Variants in CCDC171 observed in about 807,000 individuals in gnomAD.
The protein encoded by CCDC171 is coiled-coil domain containing 171, also known as coiled-coil domain-containing protein 171.
A neutral mutation model predicts 168.2 loss-of-function variants in CCDC171; 177 were observed. That is an observed-to-expected ratio of 1.05 (90% confidence interval 0.93 to 1.19). The LOEUF (loss-of-function observed/expected upper bound fraction) is 1.19. Among genes scored for constraint, CCDC171 ranks in the 50% most tolerant of loss-of-function variants. The pLI, the probability that CCDC171 is intolerant of heterozygous loss-of-function variation, is 0.00. For synonymous variants in CCDC171, 687 were observed against 540.8 expected (o/e 1.27, Z -3.75); for missense variants, 1,991 against 1,539.0 (o/e 1.29, Z -4.91).
chr9:16,021,506 A>G (rs117800106), intron 4 of CCDC171, among the ~76,000 whole-genome samples: 1,591 of 152,312 alleles, frequency 0.01, 18 homozygotes, highest in Non-Finnish European at 0.016. Flanking sequence ...CAAGGTAACT[A>G]AAGGCAGGGA....
chr9:15,680,121 A>G lies in CCDC171; in HGVS notation c.1215+1225A>G, dbSNP rs374155408. ...TACTCACCGAAATTTGATGTGTATTATGTCTCCCAAGAGGATATGAATGCA... is the reference window on the plus strand; with the variant it reads ...TACTCACCGAAATTTGATGTGTATTGTGTCTCCCAAGAGGATATGAATGCA... On this transcript the variant is annotated intron_variant, in intron 10 of 25. Coordinates refer to ENST00000380701, the MANE Select transcript of CCDC171 (RefSeq NM_173550.4). Among the ~76,000 whole-genome samples, 3 of 152,174 alleles carry G rather than the reference A, an allele frequency of 2.0e-5. No individual in the cohort carries two copies. The East Asian group carries it at 5.8e-4, about 29-fold the overall frequency.
chr9:16,029,529 G>C (rs1449792347), intron 6 of CCDC171, among the ~76,000 whole-genome samples: 1 of 152,228 alleles, frequency 6.6e-6, no homozygotes, highest in Non-Finnish European at 1.5e-5. Context: ...CTAAGGTTGA[G>C]GGAATAGGGG....
intron 9 of CCDC171, 22 bp from the exon 10 acceptor site, chr9:15,678,736 C>G: frequency 6.4e-7 from 1 of 1,570,372 alleles, no homozygotes; most frequent in Non-Finnish European, 8.6e-7. Flanking sequence ...GAAAAACCTG[C>G]TCTGACACTT....
chr9:15,687,384 G>A (rs1178426238), intron 10 of CCDC171, among the ~76,000 whole-genome samples: 1 of 151,356 alleles, frequency 6.6e-6, no homozygotes, highest in African/African-American at 2.4e-5. Flanking sequence ...TTGAGTCCAA[G>A]AGTTTGAGGT....
chr9:15,859,138 A>G (rs1352961311), intron 23 of CCDC171, among the ~76,000 whole-genome samples: 1 of 152,040 alleles, frequency 6.6e-6, no homozygotes, highest in African/African-American at 2.4e-5. Flanking sequence ...CTTTTTATGC[A>G]TCTATTGATT....
At chr9:15,994,743 T>G (rs1467661627) in intron 3 of CCDC171, among the ~76,000 whole-genome samples, 1 of 152,250 alleles carries the variant, frequency 6.6e-6, no homozygotes, top group South Asian at 2.1e-4. Context: ...CAGTCATCAC[T>G]ATTCTTACAA....
chr9:15,761,649 T>A (rs761219447), intron 18 of CCDC171, among the ~76,000 whole-genome samples: 6 of 152,118 alleles, frequency 3.9e-5, no homozygotes, highest in South Asian at 2.1e-4. Flanking sequence ...TTAAAAAAAA[T>A]TTTTTGTGTA....
intron 10 of CCDC171, among the ~76,000 whole-genome samples, chr9:15,693,933 A>C (rs2051015568): frequency 6.6e-6 from 1 of 152,106 alleles, no homozygotes; most frequent in Admixed American, 6.6e-5. Context: ...AAGAAAAAAA[A>C]TTCAGGCTTA....
rs77223490 is a variant in CCDC171, at chr9:15,940,435, A to G, written c.3753+20013A>G. 3.3e-3 allele frequency among the ~76,000 whole-genome samples: 500 copies of G among 152,028 alleles called. 2 individuals are homozygous for G. Among genetic ancestry groups the G allele is most frequent in the African/African-American group, 0.012 (489 of 41,530 alleles). ...CTGACTTGACTTCTCAACTTCCCAC[A>G]TAAGGAAGGATATACACAATAATTT... On this transcript the variant is annotated intron_variant, in intron 25 of 25. Transcript: ENST00000380701.
chr9:15,856,163 T>G (rs1052999444), intron 23 of CCDC171, among the ~76,000 whole-genome samples: 1 of 151,924 alleles, frequency 6.6e-6, no homozygotes, highest in Admixed American at 6.6e-5. Context: ...TTAGAAAAAA[T>G]TTTAATTTTA....
intron 21 of CCDC171, among the ~76,000 whole-genome samples, chr9:15,836,752 C>T (rs1051359869): frequency 3.9e-5 from 6 of 152,286 alleles, no homozygotes; most frequent in East Asian, 1.9e-4. Flanking sequence ...AAGCAAGTAA[C>T]TTGACCATTC....
At chr9:15,653,314 A>T (rs1564144315) in intron 7 of CCDC171, among the ~76,000 whole-genome samples, 2 of 150,944 alleles carry the variant, frequency 1.3e-5, no homozygotes, top group Admixed American at 6.6e-5. Context: ...TAATTTTTGA[A>T]TTTTTTTTGT....
chr9:16,041,646 T>C (rs142305624), upstream of CCDC171, among the ~76,000 whole-genome samples: 335 of 152,290 alleles, frequency 2.2e-3, 1 homozygote, highest in Non-Finnish European at 3.6e-3. Flanking sequence ...AAAACTAGGA[T>C]TGGATTAATT....
chr9:15,611,133 C>G (rs1226617554), intron 6 of CCDC171, among the ~76,000 whole-genome samples: 1 of 152,136 alleles, frequency 6.6e-6, no homozygotes, highest in African/African-American at 2.4e-5. Context: ...TCCTCCTGCT[C>G]CTGATCTGGC....
intron 2 of CCDC171, among the ~76,000 whole-genome samples, chr9:15,564,445 C>T (rs1485853902): frequency 2.6e-5 from 4 of 152,186 alleles, no homozygotes; most frequent in African/African-American, 9.6e-5. Context: ...ATTTATATTT[C>T]TGTTTTGTTT....
intron 7 of CCDC171, among the ~76,000 whole-genome samples, chr9:15,650,087 A>G (rs1036259605): frequency 2.0e-5 from 3 of 152,212 alleles, no homozygotes; most frequent in Non-Finnish European, 4.4e-5. Flanking sequence ...GGATGAGTTC[A>G]TGTCCTTTGT....
chr9:15,907,511 G>A (rs1428386448), intron 24 of CCDC171, among the ~76,000 whole-genome samples: 2 of 152,184 alleles, frequency 1.3e-5, no homozygotes, highest in African/African-American at 4.8e-5. Context: ...ATTAATTCAA[G>A]ATGGATTAAA....
intron 10 of CCDC171, among the ~76,000 whole-genome samples, chr9:15,687,857 C>T (rs955166121): frequency 3.3e-5 from 5 of 152,112 alleles, no homozygotes; most frequent in Admixed American, 6.6e-5. Flanking sequence ...CGCAGTGGCT[C>T]GTGCCTGTAA....
chr9:15,657,313 C>A, intron 8 of CCDC171, 94 bp downstream of exon 8: 1 of 681,822 alleles, frequency 1.5e-6, no homozygotes, highest in South Asian at 1.7e-5. Context: ...CGAAGGTGTG[C>A]ATTGAGAATG....
Sources: allele counts gnomAD v4.1 joint callset (sites outside exome capture counted in the v4.1 genomes callset), GRCh38; gene constraint gnomAD v4.1.1; transcripts MANE v1.5; gene names NCBI Gene and HGNC (gene_info 2026-07-23, HGNC 2026-07-21).